AGAP1: variants seen among roughly 807,000 people sequenced by gnomAD.
AGAP1 encodes ArfGAP with GTPase domain, ankyrin repeat and PH domain 1.
AGAP1 carries 29 observed loss-of-function variants against 105.3 expected under a neutral mutation model. The observed-to-expected ratio is 0.28, with a 90% CI of 0.21 to 0.38. The LOEUF (loss-of-function observed/expected upper bound fraction) is 0.38. AGAP1 is among the 10% of genes least tolerant of loss of function. The pLI, the probability that AGAP1 is intolerant of heterozygous loss-of-function variation, is 1.00. For synonymous variants in AGAP1, 509 were observed against 485.9 expected (o/e 1.05, Z -0.63); for missense variants, 998 against 1,165.1 (o/e 0.86, Z 2.09).
In AGAP1 at chr2:235,516,449, A is replaced by G. The variant is rs139587214; in HGVS notation, c.163+21600A>G. ...TATGTCATGTCTAAGAAGAGTCCTC[A>G]AGTGAAGTCTGGTGCAGCTTCTTTC... On this transcript the variant is annotated intron_variant, in intron 1 of 17. Coordinates refer to ENST00000304032, the MANE Select transcript of AGAP1 (RefSeq NM_001037131.3). 2.6e-5 allele frequency among the ~76,000 whole-genome samples: 4 copies of G among 152,232 alleles called. No individual in the cohort carries two copies. The East Asian group carries it at 7.7e-4, about 29-fold the overall frequency.
Position 236,123,799 on chromosome 2 carries a change from T to A in AGAP1, c.2371-120T>A. ...GGATGGTCCTGGCACCCCAGCCAGT[T>A]GTGTAGCTGGCCCCGCTGTCCAAGC... On this transcript the variant is annotated intron_variant, in intron 17 of 17. Transcript: ENST00000304032. The surrounding 1 kb of genome is among the most constrained non-coding windows in gnomAD (Gnocchi z 4.6). The A allele has an allele frequency of 7.9e-7, 1 of 1,261,668 alleles. No individual in the cohort carries two copies. The highest frequency in any genetic ancestry group is 1.1e-6 in the Non-Finnish European group (1 of 899,308). 78.2% of individuals were successfully genotyped at this position (1,261,668 alleles called of 1,614,324 possible).
rs767414722 is a variant in AGAP1 at position 235,566,323 on chromosome 2, C to A, written c.163+71474C>A. Among the ~76,000 whole-genome samples, 1 of 152,120 alleles carries A rather than the reference C, an allele frequency of 6.6e-6. No individual in the cohort carries two copies. On this transcript the variant is annotated intron_variant, in intron 1 of 17. Transcript: ENST00000304032. This position sits in a 1 kb window ranked among gnomAD's most constrained non-coding sequence, Gnocchi z 5.2. ...TCAGGCTGGTCTCGAACTGCCTTGG[C>A]CTCCTAAAGTGTTGGGATTACAGAT...
rs1944776175 is a variant in AGAP1, at chr2:235,577,589, A to G, written c.163+82740A>G. On this transcript the variant is annotated intron_variant, in intron 1 of 17. Coordinates refer to ENST00000304032, the MANE Select transcript of AGAP1 (RefSeq NM_001037131.3). The surrounding 1 kb of genome is among the most constrained non-coding windows in gnomAD (Gnocchi z 4.5). Reference sequence around the variant, plus strand: ...CTGAGAGTCCCTTGCTGCCCGGAGCATGGCTGTGTGGCTGCCTGACTACAT... The same window carrying G: ...CTGAGAGTCCCTTGCTGCCCGGAGCGTGGCTGTGTGGCTGCCTGACTACAT... 6.6e-6 allele frequency among the ~76,000 whole-genome samples: 1 copy of G among 152,076 alleles called. No homozygotes were observed. Among genetic ancestry groups the G allele is most frequent in the Non-Finnish European group, 1.5e-5 (1 of 68,018 alleles).
At chr2:235,943,054 T>C (rs886320483) in intron 12 of AGAP1, among the ~76,000 whole-genome samples, 28 of 152,352 alleles carry the variant, frequency 1.8e-4, no homozygotes, top group African/African-American at 6.3e-4. Context: ...TAAAACTTTG[T>C]GATGTTTTGT....
At chr2:235,834,670 A>T (rs1163472246) in intron 9 of AGAP1, among the ~76,000 whole-genome samples, 1 of 152,244 alleles carries the variant, frequency 6.6e-6, no homozygotes, top group Non-Finnish European at 1.5e-5. Context: ...ACCATTAGAA[A>T]GGAGGTCCCT....
chr2:236,088,745 T>C (rs2058990016), intron 16 of AGAP1, among the ~76,000 whole-genome samples: 1 of 152,228 alleles, frequency 6.6e-6, no homozygotes, highest in African/African-American at 2.4e-5. Context: ...TTTCTGTGAA[T>C]TGCAGCAGTT....
At chr2:235,886,188 C>T (rs1234519518) in intron 10 of AGAP1, among the ~76,000 whole-genome samples, 2 of 152,206 alleles carry the variant, frequency 1.3e-5, no homozygotes, top group Admixed American at 1.3e-4. Flanking sequence ...TCCTATGGAC[C>T]CTGTCAGAGA....
chr2:235,825,852 TAA>T (rs1283009915), intron 9 of AGAP1, among the ~76,000 whole-genome samples: 1 of 152,172 alleles, frequency 6.6e-6, no homozygotes. Flanking sequence ...AAAAATAACT[TAA>T]AAGAGTGTCA....
At chr2:236,008,987 A>G (rs1284370789) in intron 13 of AGAP1, among the ~76,000 whole-genome samples, 9 of 152,180 alleles carry the variant, frequency 5.9e-5, no homozygotes, top group Non-Finnish European at 1.2e-4. Context: ...CTTACTGAAC[A>G]CGTGTCCTAT....
At chr2:236,028,279 G>A (rs1008024061) in intron 13 of AGAP1, among the ~76,000 whole-genome samples, 5 of 152,096 alleles carry the variant, frequency 3.3e-5, no homozygotes, top group Non-Finnish European at 7.4e-5. Flanking sequence ...TTCATTCTCC[G>A]GGAGAGGAGA....
At chr2:235,544,926 A>G (rs1306190129) in intron 1 of AGAP1, among the ~76,000 whole-genome samples, 1 of 152,130 alleles carries the variant, frequency 6.6e-6, no homozygotes, top group Non-Finnish European at 1.5e-5. Flanking sequence ...GTTAAATTTG[A>G]ATAGTTTTAA....
intron 1 of AGAP1, among the ~76,000 whole-genome samples, chr2:235,513,524 A>G (rs1466741625): frequency 4.7e-4 from 2 of 4,282 alleles, no homozygotes; most frequent in African/African-American, 3.2e-3. Flanking sequence ...CCGTCTCAGA[A>G]AAAAAAAAAA....
chr2:235,716,715 G>C lies in AGAP1; in HGVS notation c.223-842G>C, dbSNP rs1311842161. Reference sequence around the variant, plus strand: ...GAGAAGGCGGCATGGGGGGTATCCAGCTCCCAAGCACAGGGAAAGGGAGGC... The same window carrying C: ...GAGAAGGCGGCATGGGGGGTATCCACCTCCCAAGCACAGGGAAAGGGAGGC... On this transcript the variant is annotated intron_variant, in intron 2 of 17. Coordinates refer to ENST00000304032, the MANE Select transcript of AGAP1 (RefSeq NM_001037131.3). The surrounding 1 kb of genome is among the most constrained non-coding windows in gnomAD (Gnocchi z 4.0). Among the ~76,000 whole-genome samples, 1 of 152,134 alleles carries C rather than the reference G, an allele frequency of 6.6e-6. No homozygotes were observed. The highest frequency in any genetic ancestry group is 2.4e-5 in the African/African-American group (1 of 41,410).
At position 235,842,719 on chromosome 2, in the gene AGAP1, G is replaced by C. The variant is rs1160908891; in HGVS notation, c.1050+35388G>C. On this transcript the variant is annotated intron_variant, in intron 9 of 17. Transcript: ENST00000304032. The surrounding 1 kb of genome is among the most constrained non-coding windows in gnomAD (Gnocchi z 5.3). ...AGTTTTCATCCCATGTGTCAGGTTT[G>C]TTTTTTTTGTTTTGTTTTGTTTTTT... Among the ~76,000 whole-genome samples, 1 of 151,420 alleles carries C rather than the reference G, an allele frequency of 6.6e-6. No individual in the cohort carries two copies. Among genetic ancestry groups the C allele is most frequent in the Non-Finnish European group, 1.5e-5 (1 of 67,898 alleles).
At chr2:235,589,024 C>T (rs560185424) in intron 1 of AGAP1, among the ~76,000 whole-genome samples, 1 of 152,048 alleles carries the variant, frequency 6.6e-6, no homozygotes, top group South Asian at 2.1e-4. Flanking sequence ...TTTTATTGAC[C>T]TTGAATAGCT....
At position 235,961,681 on chromosome 2, in the gene AGAP1, GGATGGATCATGAGGTCAAGA is replaced by G. The variant is rs1353375935; in HGVS notation, c.1484-6777_1484-6758del. On this transcript the variant is annotated intron_variant, in intron 12 of 17. Coordinates refer to ENST00000304032, the MANE Select transcript of AGAP1 (RefSeq NM_001037131.3). The surrounding 1 kb of genome is among the most constrained non-coding windows in gnomAD (Gnocchi z 5.9). ...TCCCAGCACTTTGGGAGGCCAAGGCGGATGGATCATGAGGTCAAGAGATCGAGACCATCCTGGCCAACATG... is the reference window on the plus strand; with the variant it reads ...TCCCAGCACTTTGGGAGGCCAAGGCGGATCGAGACCATCCTGGCCAACATG... Among the ~76,000 whole-genome samples the G allele has an allele frequency of 6.6e-6, 1 of 152,182 alleles. No individual in the cohort carries two copies. Among genetic ancestry groups the G allele is most frequent in the Non-Finnish European group, 1.5e-5 (1 of 68,030 alleles).
At chr2:235,899,775 G>A (rs1370663393) in intron 10 of AGAP1, among the ~76,000 whole-genome samples, 1 of 150,824 alleles carries the variant, frequency 6.6e-6, no homozygotes, top group Non-Finnish European at 1.5e-5. Context: ...GTAGAGACAA[G>A]CAGCTGTTTT....
At chr2:235,938,183 C>G (rs575329711) in intron 12 of AGAP1, among the ~76,000 whole-genome samples, 2 of 152,348 alleles carry the variant, frequency 1.3e-5, no homozygotes, top group Admixed American at 6.5e-5. Flanking sequence ...GCACAGGCCC[C>G]CAGGAGATGA....
At chr2:236,098,620 C>CTTT (rs34419216) in intron 16 of AGAP1, among the ~76,000 whole-genome samples, 10 of 115,254 alleles carry the variant, frequency 8.7e-5, no homozygotes, top group African/African-American at 3.5e-4. Flanking sequence ...TCTTTTTTTC[C>CTTT]TTTTTTTTTT....
Sources: allele counts gnomAD v4.1 joint callset (sites outside exome capture counted in the v4.1 genomes callset), GRCh38; gene constraint gnomAD v4.1.1; non-coding constraint Gnocchi (gnomAD v3.1); transcripts MANE v1.5; gene names NCBI Gene and HGNC (gene_info 2026-07-23, HGNC 2026-07-21).